CEACAM1: variants seen among roughly 807,000 people sequenced by gnomAD.
The protein encoded by CEACAM1 is CEA cell adhesion molecule 1.
A neutral mutation model predicts 49.1 loss-of-function variants in CEACAM1; 31 were observed. That is an observed-to-expected ratio of 0.63 (90% CI 0.47 to 0.85). CEACAM1 has a LOEUF of 0.85. Ranked by LOEUF, CEACAM1 falls within the 40% of genes least tolerant of loss-of-function variation. The probability of loss-of-function intolerance (pLI) is 0.00; values close to 1 mark genes in which losing one functional copy is unlikely to be tolerated. For missense variants in CEACAM1, 570 were observed against 645.3 expected (o/e 0.88, Z 1.26); for synonymous variants, 244 against 247.8 (o/e 0.98, Z 0.14).
In CEACAM1 at chr19:42,507,944, G is replaced by A. The variant is rs769229241; in HGVS notation, c.*1165C>T. On this transcript the variant is annotated 3_prime_UTR_variant, in exon 9 of 9. Transcript: ENST00000161559. ...TGGAATAGAATGGTAGTTGATGATT[G>A]GTCTGAGGTGCCTAGAAACTGAGTT... The A allele has an allele frequency of 9.2e-5, 14 of 152,196 alleles. No homozygotes were observed. The highest frequency in any genetic ancestry group is 1.8e-4 in the Non-Finnish European group (12 of 68,036). 9.4% of individuals were successfully genotyped at this position (152,196 alleles called of 1,614,324 possible).
chr19:42,527,611 C>T (rs2041928981), intron 1 of CEACAM1: 1 of 644,874 alleles, frequency 1.6e-6, no homozygotes, highest in East Asian at 3.1e-5. Context: ...CTTGTCATTT[C>T]TCTGGAATGC....
At chr19:42,513,343 A>C (rs2041509261) in intron 5 of CEACAM1, among the ~76,000 whole-genome samples, 1 of 152,180 alleles carries the variant, frequency 6.6e-6, no homozygotes, top group Non-Finnish European at 1.5e-5. Context: ...TGACGCCTGT[A>C]ATCCCAGAAC....
At chr19:42,519,881 T>C (rs2147790915) in intron 4 of CEACAM1, among the ~76,000 whole-genome samples, 1 of 152,346 alleles carries the variant, frequency 6.6e-6, no homozygotes, top group Middle Eastern at 3.4e-3. Context: ...CCACTGACCC[T>C]TTCCTGGAGC....
intron 5 of CEACAM1, among the ~76,000 whole-genome samples, chr19:42,515,673 A>G: frequency 6.6e-6 from 1 of 152,194 alleles, no homozygotes. Context: ...CGAAAAAAAA[A>G]AGTTGTTCTT....
In CEACAM1 at chr19:42,527,346, G is replaced by C; in HGVS notation, c.119C>G (p.Ser40Cys). The C allele has an allele frequency of 6.2e-7, 1 of 1,613,360 alleles. No homozygotes were observed. Among genetic ancestry groups the C allele is most frequent in the Non-Finnish European group, 8.5e-7 (1 of 1,179,558 alleles). Residue 40 changes from serine to cysteine, a missense_variant, in exon 2 of 9, where the codon TCC (serine) becomes TGC (cysteine). Coordinates refer to ENST00000161559, the MANE Select transcript of CEACAM1 (RefSeq NM_001712.5). The part of the protein sequence containing the change: ...PPTTAQLTTE[S>C]MPFNVAEGKE... ...CCCCTCTGCAACATTGAATGGCATG[G>C]ATTCAGTAGTGAGCTGGGCAGTGGT...
At chr19:42,523,359 C>T (rs144810353) in intron 2 of CEACAM1, among the ~76,000 whole-genome samples, 6 of 152,352 alleles carry the variant, frequency 3.9e-5, no homozygotes, top group Admixed American at 3.9e-4. Flanking sequence ...GGCAGCAGAA[C>T]CACAAGGTGG....
chr19:42,522,905 G>C (rs900420409), intron 2 of CEACAM1, among the ~76,000 whole-genome samples: 1 of 152,212 alleles, frequency 6.6e-6, no homozygotes, highest in Non-Finnish European at 1.5e-5. Flanking sequence ...CCCATGGCAA[G>C]TGTGTGTTTC....
Position 42,519,082 on chromosome 19 carries a change from C to G in CEACAM1, c.1112G>C (p.Arg371Thr). The G allele has an allele frequency of 6.2e-7, 1 of 1,614,174 alleles. No homozygotes were observed. The highest frequency in any genetic ancestry group is 8.5e-7 in the Non-Finnish European group (1 of 1,180,036). ...FKNQSLPSSE[R>T]MKLSQGNTTL... ...GGTGTTGCCCTGGGACAGCTTCATC[C>G]TCTCCGAGGACGGGAGACTCTGGTT... The change falls in exon 5 of 9, where the codon AGG becomes ACG. Residue 371 changes from arginine to threonine, a missense_variant. By Grantham distance (71) the Arg-to-Thr change is moderately conservative. Coordinates refer to ENST00000161559, the MANE Select transcript of CEACAM1 (RefSeq NM_001712.5).
At chr19:42,526,921 C>G in intron 2 of CEACAM1, 120 bp downstream of exon 2, 2 of 1,495,500 alleles carry the variant, frequency 1.3e-6, no homozygotes, top group South Asian at 1.3e-5. Context: ...ACTAGATGCT[C>G]AAACCTTAAC....
intron 2 of CEACAM1, among the ~76,000 whole-genome samples, chr19:42,522,601 G>A (rs1399067358): frequency 6.9e-5 from 10 of 144,462 alleles, no homozygotes; most frequent in Non-Finnish European, 1.1e-4. Flanking sequence ...TCGCTTTGTT[G>A]CTGAGGCTGG....
rs2147762275 is a variant in CEACAM1, at chr19:42,509,101, A to G, written c.*8T>C. On this transcript the variant is annotated 3_prime_UTR_variant, in exon 9 of 9. Transcript: ENST00000161559. The stretch of plus-strand genomic sequence containing the variant: ...ACATCAGCACTGCAGTGAGCAGGAC[A>G]GGTTTCATTACTGCTTTTTTACTTC... 1 of 1,614,092 alleles carries G rather than the reference A, an allele frequency of 6.2e-7. No homozygotes were observed. Among genetic ancestry groups the G allele is most frequent in the Non-Finnish European group, 8.5e-7 (1 of 1,179,932 alleles).
At chr19:42,521,576 G>C in intron 3 of CEACAM1, 55 bp from the exon 4 acceptor site, 2 of 1,585,222 alleles carry the variant, frequency 1.3e-6, no homozygotes, top group Non-Finnish European at 1.7e-6. Context: ...AGGGGAAGCT[G>C]CTGGTCTGGA....
chr19:42,511,897 G>A (rs1315765812), intron 6 of CEACAM1, among the ~76,000 whole-genome samples: 1 of 150,666 alleles, frequency 6.6e-6, no homozygotes, highest in Non-Finnish European at 1.5e-5. Context: ...TTTGTTTTCC[G>A]GGGTAGATAC....
chr19:42,514,686 G>T (rs1259394800), intron 5 of CEACAM1, among the ~76,000 whole-genome samples: 1 of 152,178 alleles, frequency 6.6e-6, no homozygotes, highest in East Asian at 1.9e-4. Context: ...CTTCCTGTGT[G>T]CCAGGCCCTG....
intron 2 of CEACAM1, 68 bp downstream of exon 2, chr19:42,526,973 C>T (rs754874897): frequency 5.1e-6 from 8 of 1,567,490 alleles, no homozygotes; most frequent in Admixed American, 1.9e-5. Context: ...CAGCCCAGGC[C>T]TGACAATCCC....
chr19:42,509,580 A>G (rs969231900), intron 8 of CEACAM1, among the ~76,000 whole-genome samples: 3 of 152,100 alleles, frequency 2.0e-5, no homozygotes, highest in Non-Finnish European at 2.9e-5. Flanking sequence ...AATCTGGAGC[A>G]TTAGAAGTCA....
chr19:42,517,310 A>G (rs2041623975), intron 5 of CEACAM1, among the ~76,000 whole-genome samples: 1 of 152,232 alleles, frequency 6.6e-6, no homozygotes. Flanking sequence ...GCAACGAAAG[A>G]AGAAGTAGAG....
At chr19:42,523,549 G>T (rs2041813293) in intron 2 of CEACAM1, among the ~76,000 whole-genome samples, 1 of 152,212 alleles carries the variant, frequency 6.6e-6, no homozygotes, top group African/African-American at 2.4e-5. Flanking sequence ...CCCCTGAAAA[G>T]AGCAGATGAT....
At position 42,523,025 on chromosome 19, in the gene CEACAM1, G is replaced by A. The variant is rs145053168; in HGVS notation, c.425-823C>T. ...GTGAACTGAGCAGCAGTGTTGGGTC[G>A]TGGACAGACCGAGGACTGGGAGTCA... On this transcript the variant is annotated intron_variant, in intron 2 of 8. Transcript: ENST00000161559. Among the ~76,000 whole-genome samples the A allele has an allele frequency of 1.1e-4, 16 of 152,310 alleles. No individual in the cohort carries two copies. The East Asian group carries it at 1.6e-3, about 15-fold the overall frequency.
Sources: allele counts gnomAD v4.1 joint callset (sites outside exome capture counted in the v4.1 genomes callset), GRCh38; gene constraint gnomAD v4.1.1; transcripts MANE v1.5; gene names NCBI Gene and HGNC (gene_info 2026-07-23, HGNC 2026-07-21).